NWD1: variants seen among roughly 807,000 people sequenced by gnomAD.
NWD1 encodes NACHT domain- and WD repeat-containing protein 1.
A neutral mutation model predicts 135.1 loss-of-function variants in NWD1; 129 were observed. The ratio of observed to expected loss-of-function variants is 0.96; its 90% CI spans 0.83 to 1.11. The LOEUF (loss-of-function observed/expected upper bound fraction) is 1.11. Among genes scored for constraint, NWD1 ranks in the 50% least tolerant of loss-of-function variants. The probability of loss-of-function intolerance (pLI) is 0.00; values close to 1 mark genes in which losing one functional copy is unlikely to be tolerated. For missense variants in NWD1, 1,740 were observed against 1,851.3 expected, an observed-to-expected ratio of 0.94 and a Z score of 1.10; for synonymous variants, 773 against 786.0, an observed-to-expected ratio of 0.98 and a Z score of 0.28.
Position 16,791,335 on chromosome 19 carries a change from T to C in NWD1, c.2941-15T>C, listed in dbSNP as rs1463938410. On this transcript the variant is annotated splice_polypyrimidine_tract_variant and intron_variant, in intron 13 of 18. Coordinates refer to ENST00000524140, the MANE Select transcript of NWD1 (RefSeq NM_001007525.5). ...CTCCTGCCAAGATGCTGCTTCCTCT[T>C]CATTATTCTATTAGATCAATGCTTG... The C allele has an allele frequency of 6.2e-7, 1 of 1,609,110 alleles. No homozygotes were observed. The highest frequency in any genetic ancestry group is 1.1e-5 in the South Asian group (1 of 90,940).
intron 17 of NWD1, among the ~76,000 whole-genome samples, chr19:16,803,689 G>A (rs1970667828): frequency 6.6e-6 from 1 of 151,616 alleles, no homozygotes; most frequent in South Asian, 2.1e-4. Flanking sequence ...GGCTGAGGTG[G>A]GCGGATCATT....
At chr19:16,729,112 T>C (rs1361535477) in intron 2 of NWD1, among the ~76,000 whole-genome samples, 9 of 151,968 alleles carry the variant, frequency 5.9e-5, no homozygotes, top group Non-Finnish European at 1.3e-4. Flanking sequence ...GGACCCTCTG[T>C]TTCCTCCTCG....
intron 5 of NWD1, among the ~76,000 whole-genome samples, chr19:16,746,223 G>T (rs978395688): frequency 6.6e-6 from 1 of 151,944 alleles, no homozygotes; most frequent in Admixed American, 6.6e-5. Context: ...AGTTGGGTGT[G>T]GTGGTGCACA....
Position 16,763,855 on chromosome 19 carries a change from C to T in NWD1, c.2161C>T (p.His721Tyr), listed in dbSNP as rs763311682. The change falls in exon 9 of 19, where the codon CAT becomes TAT. Residue 721 changes from histidine to tyrosine, a missense_variant. Transcript: ENST00000524140. Reference sequence around the variant, plus strand: ...GGCCCCGCAGCCTCTGTGGTTCTCACATACGGTTGCAAACCTGCGGAAGCT... The same window carrying T: ...GGCCCCGCAGCCTCTGTGGTTCTCATATACGGTTGCAAACCTGCGGAAGCT... ...KVAPQPLWFS[H>Y]TVANLRKLKE... The T allele has an allele frequency of 2.1e-5, 34 of 1,613,724 alleles. No individual in the cohort carries two copies. Among genetic ancestry groups the T allele is most frequent in the Non-Finnish European group, 2.7e-5 (32 of 1,179,776 alleles).
chr19:16,795,264 T>G (rs1460372296), intron 15 of NWD1, among the ~76,000 whole-genome samples: 2 of 152,188 alleles, frequency 1.3e-5, no homozygotes, highest in South Asian at 2.1e-4. Flanking sequence ...AGCAAGTGAA[T>G]GTAGGGTCCA....
At position 16,750,029 on chromosome 19, in the gene NWD1, C is replaced by T; in HGVS notation, c.1387C>T (p.His463Tyr). 9.3e-6 allele frequency: 15 copies of T among 1,613,846 alleles called. No homozygotes were observed. Among genetic ancestry groups the T allele is most frequent in the Non-Finnish European group, 1.3e-5 (15 of 1,179,956 alleles). ...GCCTCTCAACTGCCCCCCGAGGGTG[C>T]ACCTCATCCTCTCAGCTTGCTCGGG... Reference protein sequence around the residue: ...WLPLNCPPRVHLILSACSGAL... With the variant: ...WLPLNCPPRVYLILSACSGAL... The change falls in exon 6 of 19, where the codon CAC becomes TAC. Residue 463 changes from histidine (H) to tyrosine (Y), a missense_variant. By Grantham distance (83) the His-to-Tyr change is moderately conservative. Coordinates refer to ENST00000524140, the MANE Select transcript of NWD1 (RefSeq NM_001007525.5).
intron 3 of NWD1, among the ~76,000 whole-genome samples, chr19:16,731,782 T>C (rs538224210): frequency 4.1e-4 from 62 of 152,234 alleles, no homozygotes; most frequent in African/African-American, 1.5e-3. Flanking sequence ...CCATACTCTT[T>C]TAATGCTTTA....
intron 3 of NWD1, among the ~76,000 whole-genome samples, chr19:16,735,261 T>C (rs757625266): frequency 6.6e-6 from 1 of 152,120 alleles, no homozygotes; most frequent in Non-Finnish European, 1.5e-5. Context: ...CCTAACATTT[T>C]GGGAGGCTGA....
chr19:16,750,296 C>T lies in NWD1; in HGVS notation c.1654C>T (p.Pro552Ser), dbSNP rs1441323906. 6.2e-7 allele frequency: 1 copy of T among 1,613,578 alleles called. No homozygotes were observed. Among genetic ancestry groups the T allele is most frequent in the Non-Finnish European group, 8.5e-7 (1 of 1,179,942 alleles). The change falls in exon 6 of 19, where the codon CCT (proline) becomes TCT (serine). Residue 552 changes from proline (P) to serine (S), a missense_variant. By Grantham distance (74) the Pro-to-Ser change is moderately conservative. Transcript: ENST00000524140. ...EARKWASFTV[P>S]VPLATTAEEA... The stretch of plus-strand genomic sequence containing the variant: ...CCGGAAATGGGCCTCTTTCACCGTG[C>T]CTGTCCCGCTGGCCACCACCGCAGA...
At chr19:16,750,760 C>T (rs897022585) in intron 6 of NWD1, among the ~76,000 whole-genome samples, 7 of 152,164 alleles carry the variant, frequency 4.6e-5, no homozygotes, top group Admixed American at 2.0e-4. Context: ...CTCAGCCTGC[C>T]GAGTAGGGTA....
At chr19:16,730,097 G>A (rs1010288063) in intron 2 of NWD1, among the ~76,000 whole-genome samples, 2 of 151,932 alleles carry the variant, frequency 1.3e-5, no homozygotes, top group African/African-American at 4.8e-5. Context: ...GCCGAGGTGG[G>A]CAGATCACAA....
chr19:16,791,603 G>A lies in NWD1; in HGVS notation c.3194G>A (p.Ser1065Asn), dbSNP rs1273213632. 1.9e-6 allele frequency: 3 copies of A among 1,614,020 alleles called. No individual in the cohort carries two copies. Among genetic ancestry groups the A allele is most frequent in the African/African-American group, 2.7e-5 (2 of 74,936 alleles). Residue 1065 changes from serine (S) to asparagine (N), a missense_variant, in exon 14 of 19, where the codon AGC becomes AAC. By Grantham distance (46) the Ser-to-Asn change is conservative. Coordinates refer to ENST00000524140, the MANE Select transcript of NWD1 (RefSeq NM_001007525.5). ...CAAGGAAAGCTTGTTACCGGGTTTA[G>A]CAATGGCTCCATCTCTTTGGTAAGC... ...QKQGKLVTGF[S>N]NGSISLVSSK...
chr19:16,811,488 G>A (rs1970922237), intron 18 of NWD1, among the ~76,000 whole-genome samples: 1 of 151,582 alleles, frequency 6.6e-6, no homozygotes, highest in Non-Finnish European at 1.5e-5. Context: ...GGAGGTTGAG[G>A]CAAGAGAATC....
At chr19:16,778,055 G>T (rs1354293962) in intron 11 of NWD1, among the ~76,000 whole-genome samples, 1 of 151,894 alleles carries the variant, frequency 6.6e-6, no homozygotes, top group East Asian at 1.9e-4. Flanking sequence ...GGAGAAGAAA[G>T]GAAAAGAAAA....
chr19:16,800,417 C>A (rs2123102659), intron 17 of NWD1, among the ~76,000 whole-genome samples: 1 of 120,620 alleles, frequency 8.3e-6, no homozygotes, highest in South Asian at 2.9e-4. Flanking sequence ...GCCTGTATCC[C>A]CAGCTACTTG....
intron 11 of NWD1, among the ~76,000 whole-genome samples, chr19:16,777,941 G>A (rs1031334415): frequency 5.3e-5 from 7 of 131,980 alleles, no homozygotes; most frequent in African/African-American, 2.0e-4. Flanking sequence ...GGAAGGGAAA[G>A]GGAAGGAAAG....
rs1162769783 is a variant in NWD1, at chr19:16,740,642, A to ATTTTTTTTTTTTT, written c.199-3769_199-3757dup. Among the ~76,000 whole-genome samples, 6 of 112,954 alleles carry ATTTTTTTTTTTTT rather than the reference A, an allele frequency of 5.3e-5. 1 individual carries two copies. Among genetic ancestry groups the ATTTTTTTTTTTTT allele is most frequent in the African/African-American group, 2.1e-4 (6 of 28,914 alleles). 74.1% of individuals were successfully genotyped at this position (112,954 alleles called of 152,430 possible). A position where few individuals can be genotyped will look rare whatever the true frequency, so the allele number is the denominator to read the frequency against. ...CGTGAGCCACTGCGCCCAGACTTCTATTTTTTTTTTTTTTTTTTTTTTGAG... is the reference window on the plus strand; with the variant it reads ...CGTGAGCCACTGCGCCCAGACTTCTATTTTTTTTTTTTTTTTTTTTTTTTTTTTTTTTTTTGAG... On this transcript the variant is annotated intron_variant, in intron 4 of 18. Transcript: ENST00000524140.
At position 16,815,416 on chromosome 19, in the gene NWD1, T is replaced by A. The variant is rs1395264693; in HGVS notation, c.*377T>A. 2 of 621,536 alleles carry A rather than the reference T, an allele frequency of 3.2e-6. No individual in the cohort carries two copies. Among genetic ancestry groups the A allele is most frequent in the African/African-American group, 3.7e-5 (2 of 54,092 alleles). The allele number at this position is 621,536 out of a possible 1,614,324, so 38.5% of individuals were successfully genotyped here. ...TCTAGTTAAAGCAAAAAGAATACGT[T>A]TGCTGGTGTATATCTGGACCCATGG... is the stretch of plus-strand genomic sequence containing the variant. On this transcript the variant is annotated 3_prime_UTR_variant, in exon 19 of 19. Transcript: ENST00000524140.
chr19:16,781,281 A>C (rs896171695), intron 12 of NWD1, among the ~76,000 whole-genome samples: 11 of 152,160 alleles, frequency 7.2e-5, no homozygotes, highest in African/African-American at 2.2e-4. Flanking sequence ...GTTCATAACT[A>C]GCTACCTTGT....
Sources: gnomAD v4.1 joint callset for allele counts (sites outside exome capture counted in the v4.1 genomes callset) on GRCh38, gnomAD v4.1.1 for gene constraint, MANE v1.5 for transcripts, NCBI Gene and HGNC (gene_info 2026-07-23, HGNC 2026-07-21) for gene names.